Variants in CPA4 observed in about 807,000 individuals in gnomAD.
The protein encoded by CPA4 is carboxypeptidase A4, also known as carboxypeptidase A3.
Under a neutral mutation model 54.7 loss-of-function variants are expected in CPA4, and 49 were observed. The observed-to-expected ratio is 0.90, with a 90% confidence interval of 0.71 to 1.14. The LOEUF is 1.14. Among genes scored for constraint, CPA4 ranks in the 50% most tolerant of loss-of-function variants. The pLI is 0.00. For synonymous variants in CPA4, 215 were observed against 206.8 expected, an observed-to-expected ratio of 1.04 and a Z score of -0.34; for missense variants, 487 against 525.1, an observed-to-expected ratio of 0.93 and a Z score of 0.71.
At chr7:130,312,803 G>A (rs900064728) in intron 10 of CPA4, among the ~76,000 whole-genome samples, 2 of 152,154 alleles carry the variant, frequency 1.3e-5, no homozygotes, top group African/African-American at 4.8e-5. Flanking sequence ...GGTTTAGGGA[G>A]GGGGAGCTTA....
chr7:130,307,406 C>T (rs911354759), intron 7 of CPA4, among the ~76,000 whole-genome samples: 2 of 152,050 alleles, frequency 1.3e-5, no homozygotes, highest in East Asian at 1.9e-4. Context: ...CCGAGGTGGG[C>T]GGATCATGAG....
chr7:130,312,175 T>G, intron 10 of CPA4, 53 bp downstream of exon 10: 2 of 1,291,620 alleles, frequency 1.5e-6, no homozygotes. Context: ...AGAGGAAACT[T>G]GAAATGGAGT....
chr7:130,300,482 C>T lies in CPA4; in HGVS notation c.286-334C>T, dbSNP rs189774290. Among the ~76,000 whole-genome samples, 8 of 151,704 alleles carry T rather than the reference C, an allele frequency of 5.3e-5. No homozygotes were observed. In the East Asian group the frequency reaches 5.8e-4, roughly 11 times the overall value. ...TCCCAAGTAGCTGGGACTACAGGCA[C>T]GCACCACCACGCCCAGCAAATTTTT... On this transcript the variant is annotated intron_variant, in intron 3 of 10. Transcript: ENST00000222482.
rs1793894414 is a variant in CPA4 at position 130,310,506 on chromosome 7, C to A, written c.794-281C>A. 6.6e-6 allele frequency among the ~76,000 whole-genome samples: 1 copy of A among 152,196 alleles called. No homozygotes were observed. The highest frequency in any genetic ancestry group is 2.4e-5 in the African/African-American group (1 of 41,440). The stretch of plus-strand genomic sequence containing the variant: ...TCTAGTCTACTTATTAATTACAACT[C>A]ATTCTCAAGGGTGATATTAATTATT... On this transcript the variant is annotated intron_variant, in intron 8 of 10. Transcript: ENST00000222482. The surrounding 1 kb of genome is among the most constrained non-coding windows in gnomAD (Gnocchi z 4.3).
rs1793900343 is a variant in CPA4 at position 130,310,865 on chromosome 7, T to A, written c.872T>A (p.Val291Glu). 1 of 1,613,694 alleles carries A rather than the reference T, an allele frequency of 6.2e-7. No individual in the cohort carries two copies. Among genetic ancestry groups the A allele is most frequent in the Admixed American group, 1.7e-5 (1 of 60,008 alleles). Residue 291 changes from valine to glutamate, a missense_variant, in exon 9 of 11, where the codon GTG becomes GAG. Transcript: ENST00000222482. This position sits in a 1 kb window ranked among gnomAD's most constrained non-coding sequence, Gnocchi z 4.3. ...HANSEVEVKS[V>E]VDFIQKHGNF... is the part of the protein sequence containing the mutation. ...AATTCGGAAGTGGAGGTGAAATCAGTGGTAGATTTCATCCAAAAACATGGG... is the reference window on the plus strand; with the variant it reads ...AATTCGGAAGTGGAGGTGAAATCAGAGGTAGATTTCATCCAAAAACATGGG...
At chr7:130,307,296 G>A (rs928894661) in intron 7 of CPA4, among the ~76,000 whole-genome samples, 21 of 152,140 alleles carry the variant, frequency 1.4e-4, no homozygotes, top group Admixed American at 1.3e-3. Context: ...AAGGAATAAT[G>A]GAAGTTCTTT....
intron 7 of CPA4, chr7:130,308,053 A>G (rs1025077674): frequency 6.1e-6 from 3 of 489,992 alleles, no homozygotes; most frequent in Admixed American, 3.3e-5. Context: ...GGATTCAGGC[A>G]GTATCTGACT....
chr7:130,301,231 C>A (rs1279541453), intron 4 of CPA4, among the ~76,000 whole-genome samples: 1 of 152,190 alleles, frequency 6.6e-6, no homozygotes, highest in African/African-American at 2.4e-5. Context: ...CTACCATAAT[C>A]CCTCTATTTT....
At chr7:130,298,381 A>C (rs1793683508) in intron 1 of CPA4, among the ~76,000 whole-genome samples, 1 of 152,212 alleles carries the variant, frequency 6.6e-6, no homozygotes, top group Admixed American at 6.5e-5. Context: ...AACAGATACA[A>C]GGGGGAAAAA....
intron 10 of CPA4, among the ~76,000 whole-genome samples, chr7:130,314,900 C>T (rs145491018): frequency 8.2e-4 from 124 of 151,964 alleles, no homozygotes; most frequent in African/African-American, 2.7e-3. Context: ...CCTTTTTCTT[C>T]GGGATTCGGG....
chr7:130,306,723 A>T, intron 6 of CPA4, 64 bp from the exon 7 acceptor site: 1 of 934,112 alleles, frequency 1.1e-6, no homozygotes, highest in Non-Finnish European at 1.8e-6. Context: ...GAGAAGATAC[A>T]TGGTTCAGCC....
rs1793926305 is a variant in CPA4, at chr7:130,312,196, C to T, written c.1078+74C>T. On this transcript the variant is annotated intron_variant, in intron 10 of 10. Transcript: ENST00000222482. ...AACTTGAAATGGAGTGGGAGGAGGG[C>T]TGTAAGTTAGACTTACTTGTCATCT... 1.7e-5 allele frequency: 18 copies of T among 1,079,810 alleles called. No homozygotes were observed. In the South Asian group the frequency reaches 2.3e-4, roughly 14 times the overall value. 66.9% of individuals were successfully genotyped at this position (1,079,810 alleles called of 1,614,324 possible).
chr7:130,297,754 C>T (rs1793672585), intron 1 of CPA4, among the ~76,000 whole-genome samples: 3 of 152,196 alleles, frequency 2.0e-5, no homozygotes, highest in Admixed American at 2.0e-4. Context: ...TCTTTGCATT[C>T]ACTTGTGTCA....
intron 7 of CPA4, among the ~76,000 whole-genome samples, chr7:130,307,741 A>G (rs1423735047): frequency 6.6e-6 from 1 of 152,106 alleles, no homozygotes; most frequent in Non-Finnish European, 1.5e-5. Flanking sequence ...TTTATTCTAC[A>G]GCAGCTCCCA....
At chr7:130,314,993 G>C (rs1793967799) in intron 10 of CPA4, among the ~76,000 whole-genome samples, 1 of 152,110 alleles carries the variant, frequency 6.6e-6, no homozygotes, top group Non-Finnish European at 1.5e-5. Flanking sequence ...ATGTGGTGAA[G>C]GGAAGTCTGT....
chr7:130,299,909 C>A (rs1793712528), intron 3 of CPA4: 1 of 163,438 alleles, frequency 6.1e-6, no homozygotes, highest in Admixed American at 5.7e-5. Context: ...CACAGAGGCA[C>A]CCTTTGAGAC....
rs188869919 is a variant in CPA4, at chr7:130,314,333, G to A, written c.1078+2211G>A. On this transcript the variant is annotated intron_variant, in intron 10 of 10. Coordinates refer to ENST00000222482, the MANE Select transcript of CPA4 (RefSeq NM_016352.4). ...TTAATGGGAGGGCCTTGGGGCTTGA[G>A]GTGTTGTAGGGAGTCGTAATAGGTT... Among the ~76,000 whole-genome samples, 1,023 of 152,322 alleles carry A rather than the reference G, an allele frequency of 6.7e-3. 13 individuals are homozygous for A. The highest frequency in any genetic ancestry group is 0.023 in the African/African-American group (976 of 41,564).
chr7:130,320,663 T>C (rs1794078507), intron 10 of CPA4, among the ~76,000 whole-genome samples: 1 of 152,218 alleles, frequency 6.6e-6, no homozygotes, highest in Non-Finnish European at 1.5e-5. Flanking sequence ...GAGGAGAGCC[T>C]GGGCTTTATT....
At position 130,322,478 on chromosome 7, in the gene CPA4, C is replaced by T; in HGVS notation, c.1079-11C>T. The T allele has an allele frequency of 6.2e-7, 1 of 1,609,326 alleles. No individual in the cohort carries two copies. The stretch of plus-strand genomic sequence containing the variant: ...CTGGGCTTCAAGAGTGTTTTGTCCT[C>T]CGACTTACAGATCCAGCTAGCGGGA... On this transcript the variant is annotated splice_polypyrimidine_tract_variant and intron_variant, in intron 10 of 10. Coordinates refer to ENST00000222482, the MANE Select transcript of CPA4 (RefSeq NM_016352.4).
Sources: gnomAD v4.1 joint callset for allele counts (sites outside exome capture counted in the v4.1 genomes callset) on GRCh38, gnomAD v4.1.1 for gene constraint, Gnocchi (gnomAD v3.1) non-coding constraint, MANE v1.5 for transcripts, NCBI Gene and HGNC (gene_info 2026-07-23, HGNC 2026-07-21) for gene names.